The following CPEB3 variants were observed in gnomAD, a reference collection of about 807,000 sequenced individuals.
CPEB3 encodes cytoplasmic polyadenylation element binding protein 3.
Under a neutral mutation model 67.2 loss-of-function variants are expected in CPEB3, and 20 were observed. That is an observed-to-expected ratio of 0.30 (90% CI 0.21 to 0.43). The LOEUF is 0.43. Among genes scored for constraint, CPEB3 ranks in the 20% least tolerant of loss-of-function variants. The probability of loss-of-function intolerance (pLI) is 1.00; values close to 1 mark genes in which losing one functional copy is unlikely to be tolerated. For missense variants in CPEB3, 746 were observed against 968.6 expected (o/e 0.77, Z 3.05); for synonymous variants, 376 against 393.1 (o/e 0.96, Z 0.51).
intron 1 of CPEB3, among the ~76,000 whole-genome samples, chr10:92,283,935 C>G (rs558003740): frequency 8.6e-5 from 13 of 151,174 alleles, no homozygotes; most frequent in Non-Finnish European, 1.5e-4. Context: ...ACCATGTTGT[C>G]CAGGGTGGTC....
intron 1 of CPEB3, among the ~76,000 whole-genome samples, chr10:92,273,201 T>C (rs1853378780): frequency 6.6e-6 from 1 of 152,162 alleles, no homozygotes; most frequent in African/African-American, 2.4e-5. Context: ...ATTCTTTTAT[T>C]TTTTCCCATC....
intron 1 of CPEB3, among the ~76,000 whole-genome samples, chr10:92,276,949 T>A (rs1842017420): frequency 1.3e-5 from 2 of 152,346 alleles, no homozygotes; most frequent in South Asian, 2.1e-4. Flanking sequence ...ATGGTGAGCA[T>A]CTTTTCACAT....
chr10:92,206,438 T>C (rs1246106124), intron 2 of CPEB3, among the ~76,000 whole-genome samples: 2 of 152,106 alleles, frequency 1.3e-5, no homozygotes, highest in Non-Finnish European at 2.9e-5. Flanking sequence ...TGTACTCTTT[T>C]TCCCTTTCGT....
intron 2 of CPEB3, among the ~76,000 whole-genome samples, chr10:92,228,119 C>T (rs1372123964): frequency 6.6e-6 from 1 of 151,548 alleles, no homozygotes; most frequent in African/African-American, 2.4e-5. Context: ...AACTCCTGAC[C>T]TCAGGTGATC....
At position 92,239,704 on chromosome 10, in the gene CPEB3, A is replaced by C. The variant is rs761724016; in HGVS notation, c.647T>G (p.Met216Arg). ...AAAAYGHQPI[M>R]TSKPSSSSAV... ...CGAAGACGAGGACGGCTTGCTGGTC[A>C]TGATGGGCTGGTGGCCGTACGCCGC... is the stretch of plus-strand genomic sequence containing the variant. The change falls in exon 2 of 10, where the codon ATG becomes AGG. Residue 216 changes from methionine (M) to arginine (R), a missense_variant. Met to Arg is a moderately conservative substitution (Grantham distance 91). This residue lies in a region of CPEB3 where 643 missense variants were observed against 717.5 expected (regional missense o/e 0.90). Transcript: ENST00000265997. This position sits in a 1 kb window ranked among gnomAD's most constrained non-coding sequence, Gnocchi z 6.0. The C allele has an allele frequency of 5.1e-6, 8 of 1,567,630 alleles. No homozygotes were observed. In the African/African-American group the frequency reaches 9.5e-5, roughly 19 times the overall value.
intron 3 of CPEB3, among the ~76,000 whole-genome samples, chr10:92,187,504 A>G (rs532589081): frequency 6.6e-6 from 1 of 152,334 alleles, no homozygotes; most frequent in East Asian, 1.9e-4. Context: ...GTTTTTGCCA[A>G]GATGCCTGCT....
chr10:92,159,944 C>CTT (rs368362388), intron 4 of CPEB3, among the ~76,000 whole-genome samples: 5 of 143,996 alleles, frequency 3.5e-5, no homozygotes, highest in Non-Finnish European at 4.6e-5. Flanking sequence ...TGAAAAAAAT[C>CTT]TTTTTTTTTT....
chr10:92,277,548 G>GT (rs1842046199), intron 1 of CPEB3, among the ~76,000 whole-genome samples: 1 of 152,162 alleles, frequency 6.6e-6, no homozygotes, highest in South Asian at 2.1e-4. Context: ...TAGCTTAATA[G>GT]TAAGTTTTAA....
chr10:92,236,220 C>T (rs1446630006), intron 2 of CPEB3, among the ~76,000 whole-genome samples: 3 of 152,148 alleles, frequency 2.0e-5, no homozygotes, highest in African/African-American at 7.2e-5. Flanking sequence ...TGAATTCTAC[C>T]TGACAGCACC....
At chr10:92,164,485 T>C (rs2070440165) in intron 4 of CPEB3, among the ~76,000 whole-genome samples, 1 of 152,220 alleles carries the variant, frequency 6.6e-6, no homozygotes, top group African/African-American at 2.4e-5. Context: ...TCATGGTTCC[T>C]GGCAAGCATT....
chr10:92,067,427 G>T (rs1427823150), intron 9 of CPEB3, among the ~76,000 whole-genome samples: 4 of 152,078 alleles, frequency 2.6e-5, no homozygotes, highest in Non-Finnish European at 5.9e-5. Context: ...TTGAACCTGG[G>T]AGGCGGAGGT....
intron 7 of CPEB3, among the ~76,000 whole-genome samples, chr10:92,100,709 A>G (rs1844141477): frequency 6.6e-6 from 1 of 152,096 alleles, no homozygotes. Context: ...CTCCTGCCTC[A>G]GCCTCCCAAG....
intron 9 of CPEB3, among the ~76,000 whole-genome samples, chr10:92,065,782 G>A (rs1003617087): frequency 2.0e-5 from 3 of 152,054 alleles, no homozygotes; most frequent in Non-Finnish European, 4.4e-5. Context: ...CTCACACCTG[G>A]GTTTTGCCTG....
rs779891891 is a variant in CPEB3 at position 92,240,202 on chromosome 10, T to C, written c.149A>G (p.Asn50Ser). The C allele has an allele frequency of 4.5e-5, 68 of 1,515,284 alleles. No homozygotes were observed. Among genetic ancestry groups the C allele is most frequent in the Non-Finnish European group, 5.9e-5 (67 of 1,129,002 alleles). 93.9% of individuals were successfully genotyped at this position (1,515,284 alleles called of 1,614,324 possible). Residue 50 changes from asparagine (N) to serine (S), a missense_variant, in exon 2 of 10, where the codon AAC (asparagine) becomes AGC (serine). Around this residue, in one of 2 missense-constraint regions of CPEB3, gnomAD observed 643 missense variants for 717.5 expected, o/e 0.90. Coordinates refer to ENST00000265997, the MANE Select transcript of CPEB3 (RefSeq NM_014912.5). ...LSSETPKPEE[N>S]SAVPALSPAA... ...TGGGCTGAGGGCCGGCACTGCGCTG[T>C]TTTCCTCCGGCTTGGGGGTCTCTGA...
intron 2 of CPEB3, among the ~76,000 whole-genome samples, chr10:92,194,788 TC>T (rs1254266906): frequency 6.6e-6 from 1 of 152,110 alleles, no homozygotes; most frequent in Non-Finnish European, 1.5e-5. Flanking sequence ...ACGCCTGTAA[TC>T]CCAGCACTTT....
chr10:92,247,951 G>C (rs1852139947), intron 1 of CPEB3, among the ~76,000 whole-genome samples: 1 of 152,184 alleles, frequency 6.6e-6, no homozygotes, highest in South Asian at 2.1e-4. Context: ...CTGGAGTGCA[G>C]TGGTGTGATC....
intron 2 of CPEB3, among the ~76,000 whole-genome samples, chr10:92,231,813 G>A (rs554062951): frequency 2.6e-5 from 4 of 151,386 alleles, no homozygotes; most frequent in Admixed American, 6.6e-5. Context: ...TCCGCCTCCC[G>A]GGTTCAAGTG....
intron 1 of CPEB3, chr10:92,243,097 C>T (rs1851917911): frequency 6.6e-6 from 1 of 152,086 alleles, no homozygotes. Flanking sequence ...TCCCCTCCCC[C>T]ACCACACACA....
At chr10:92,164,576 T>G (rs1487089073) in intron 4 of CPEB3, among the ~76,000 whole-genome samples, 4 of 152,210 alleles carry the variant, frequency 2.6e-5, no homozygotes, top group Non-Finnish European at 5.9e-5. Context: ...CTTCCTTCAC[T>G]TAGCATGTTT....
Sources: gnomAD v4.1 joint callset for allele counts (sites outside exome capture counted in the v4.1 genomes callset) on GRCh38, gnomAD v4.1.1 for gene constraint, gnomAD v4.1.1 regional missense constraint, Gnocchi (gnomAD v3.1) non-coding constraint, MANE v1.5 for transcripts, NCBI Gene and HGNC (gene_info 2026-07-23, HGNC 2026-07-21) for gene names.